Variants in ATP6V1G1 observed in about 807,000 individuals in gnomAD.
ATP6V1G1 encodes the protein V-type proton ATPase subunit G 1.
In ATP6V1G1, 14 loss-of-function variants were observed where a neutral mutation model predicts 14.2. The observed-to-expected ratio is 0.99, with a 90% CI of 0.65 to 1.55. The LOEUF is 1.55. Among genes scored for constraint, ATP6V1G1 ranks in the 40% most tolerant of loss-of-function variants. The pLI is 0.00. For synonymous variants in ATP6V1G1, 65 were observed against 53.3 expected (o/e 1.22, Z -0.96); for missense variants, 137 against 146.4 (o/e 0.94, Z 0.33).
At chr9:114,594,676 C>G (rs986062453) in intron 2 of ATP6V1G1, among the ~76,000 whole-genome samples, 6 of 152,126 alleles carry the variant, frequency 3.9e-5, no homozygotes, top group African/African-American at 1.4e-4. Context: ...AGCCACCACG[C>G]CTGGCCCATC....
At chr9:114,588,854 TG>T (rs1196776623) in intron 1 of ATP6V1G1, among the ~76,000 whole-genome samples, 2 of 150,066 alleles carry the variant, frequency 1.3e-5, no homozygotes, top group Non-Finnish European at 2.9e-5. Context: ...AGTGCAGATA[TG>T]ATTTCCCTAC....
At chr9:114,595,909 A>G (rs538036033) in intron 2 of ATP6V1G1, among the ~76,000 whole-genome samples, 1 of 152,240 alleles carries the variant, frequency 6.6e-6, no homozygotes, top group South Asian at 2.1e-4. Flanking sequence ...ATATATGTAT[A>G]TATAGTGAGG....
chr9:114,589,099 C>A (rs1201534282), intron 1 of ATP6V1G1, among the ~76,000 whole-genome samples: 3 of 152,172 alleles, frequency 2.0e-5, no homozygotes, highest in Non-Finnish European at 4.4e-5. Context: ...CCTTAGTCTT[C>A]CATCAGACCT....
Position 114,591,024 on chromosome 9 carries a change from G to A in ATP6V1G1, c.83-1528G>A, listed in dbSNP as rs111604371. On this transcript the variant is annotated intron_variant, in intron 1 of 2. Coordinates refer to ENST00000374050, the MANE Select transcript of ATP6V1G1 (RefSeq NM_004888.4). The stretch of plus-strand genomic sequence containing the variant: ...GTGGCCAGGTTGGTCTCGAACTCCT[G>A]ACCTTGTGATCTGCTCACCTTGGCC... Among the ~76,000 whole-genome samples, 773 of 152,214 alleles carry A rather than the reference G, an allele frequency of 5.1e-3. 9 individuals are homozygous for A. Among genetic ancestry groups the A allele is most frequent in the African/African-American group, 0.017 (722 of 41,532 alleles).
chr9:114,587,970 C>T, intron 1 of ATP6V1G1, 50 bp downstream of exon 1: 1 of 1,544,552 alleles, frequency 6.5e-7, no homozygotes, highest in Non-Finnish European at 8.8e-7. Context: ...GAAGAAAGAC[C>T]GCTGGGCCTC....
chr9:114,592,588 C>T lies in ATP6V1G1; in HGVS notation c.119C>T (p.Ala40Val), dbSNP rs1301402896. The change falls in exon 2 of 3, where the codon GCT (alanine) becomes GTT (valine). Residue 40 changes from alanine (A) to valine (V), a missense_variant. Physicochemically the swap from Ala to Val is moderately conservative, Grantham distance 64. Coordinates refer to ENST00000374050, the MANE Select transcript of ATP6V1G1 (RefSeq NM_004888.4). ...AGGCTGAAGCAGGCCAAAGAAGAAG[C>T]TCAGGCTGAAATTGAACAGTACCGC... Reference protein sequence around the residue: ...NRRLKQAKEEAQAEIEQYRLQ... With the variant: ...NRRLKQAKEEVQAEIEQYRLQ... 1.3e-6 allele frequency: 2 copies of T among 1,573,682 alleles called. No homozygotes were observed. Among genetic ancestry groups the T allele is most frequent in the Admixed American group, 1.8e-5 (1 of 54,156 alleles).
intron 1 of ATP6V1G1, chr9:114,588,176 A>G: frequency 1.9e-6 from 1 of 522,600 alleles, no homozygotes; most frequent in South Asian, 2.6e-5. Context: ...GAGGCATGTG[A>G]AATGGGCTCT....
chr9:114,588,119 G>A (rs914634632), intron 1 of ATP6V1G1, 199 bp downstream of exon 1: 11 of 617,210 alleles, frequency 1.8e-5, no homozygotes, highest in Non-Finnish European at 3.1e-5. Flanking sequence ...ATGTGAGATG[G>A]TAAATTGGGC....
At chr9:114,592,857 C>T (rs570141873) in intron 2 of ATP6V1G1, among the ~76,000 whole-genome samples, 1 of 152,284 alleles carries the variant, frequency 6.6e-6, no homozygotes, top group East Asian at 1.9e-4. Flanking sequence ...TTTATTCACT[C>T]ATTTAACACG....
chr9:114,597,188 C>T (rs1395548135), intron 2 of ATP6V1G1, among the ~76,000 whole-genome samples: 1 of 151,874 alleles, frequency 6.6e-6, no homozygotes, highest in Non-Finnish European at 1.5e-5. Flanking sequence ...GACGGGGTTT[C>T]ACCGTGTTAG....
chr9:114,598,598 A>G lies in ATP6V1G1; in HGVS notation c.*855A>G, dbSNP rs1845267867. Among the ~76,000 whole-genome samples, 1 of 152,188 alleles carries G rather than the reference A, an allele frequency of 6.6e-6. No homozygotes were observed. Among genetic ancestry groups the G allele is most frequent in the Non-Finnish European group, 1.5e-5 (1 of 68,022 alleles). On this transcript the variant is annotated 3_prime_UTR_variant, in exon 3 of 3. Transcript: ENST00000374050. Reference sequence around the variant, plus strand: ...CCAACAAATGTTTTGGAAAACAGCAAGCAACTAGTCTGTAGGTTGTCTTTT... The same window carrying G: ...CCAACAAATGTTTTGGAAAACAGCAGGCAACTAGTCTGTAGGTTGTCTTTT...
At chr9:114,592,528 T>A (rs1345671454) in intron 1 of ATP6V1G1, 24 bp from the exon 2 acceptor site, 10 of 1,549,242 alleles carry the variant, frequency 6.5e-6, no homozygotes, top group Non-Finnish European at 8.7e-6. Flanking sequence ...CACTTCCTGA[T>A]ATAGCTCTCT....
intron 1 of ATP6V1G1, among the ~76,000 whole-genome samples, chr9:114,591,690 G>GC (rs1354260486): frequency 6.6e-6 from 1 of 152,134 alleles, no homozygotes; most frequent in African/African-American, 2.4e-5. Context: ...TCACTCATTC[G>GC]CGTGGACTCT....
intron 2 of ATP6V1G1, among the ~76,000 whole-genome samples, chr9:114,593,366 T>C (rs149262379): frequency 7.4e-4 from 112 of 152,260 alleles, no homozygotes; most frequent in African/African-American, 2.6e-3. Flanking sequence ...TGTGTTTGGC[T>C]TTGTATCATT....
chr9:114,589,943 A>T (rs1265702932), intron 1 of ATP6V1G1, among the ~76,000 whole-genome samples: 1 of 151,728 alleles, frequency 6.6e-6, no homozygotes, highest in Admixed American at 6.6e-5. Flanking sequence ...CACGCCTGTA[A>T]TCCCAGCACT....
rs77815887 is a variant in ATP6V1G1 at position 114,593,499 on chromosome 9, A to C, written c.183+847A>C. Among the ~76,000 whole-genome samples the C allele has an allele frequency of 9.2e-3, 1,393 of 151,988 alleles. 13 individuals are homozygous for C. The highest frequency in any genetic ancestry group is 0.055 in the South Asian group (265 of 4,810). On this transcript the variant is annotated intron_variant, in intron 2 of 2. Coordinates refer to ENST00000374050, the MANE Select transcript of ATP6V1G1 (RefSeq NM_004888.4). Reference sequence around the variant, plus strand: ...TAGCAAAAATTTTGATCAATTTTTTATTTTTTCTTTTTAAGAGACAGAGTC... The same window carrying C: ...TAGCAAAAATTTTGATCAATTTTTTCTTTTTTCTTTTTAAGAGACAGAGTC...
intron 1 of ATP6V1G1, among the ~76,000 whole-genome samples, chr9:114,590,461 A>T (rs1042674562): frequency 6.6e-6 from 1 of 151,758 alleles, no homozygotes; most frequent in African/African-American, 2.4e-5. Context: ...ATACATAAAT[A>T]AAAAAATAAA....
At chr9:114,588,561 G>A (rs1286322737) in intron 1 of ATP6V1G1, among the ~76,000 whole-genome samples, 2 of 151,486 alleles carry the variant, frequency 1.3e-5, no homozygotes, top group Non-Finnish European at 2.9e-5. Context: ...TATGTGGCAA[G>A]CGCAGTGCCC....
rs1374409470 is a variant in ATP6V1G1, at chr9:114,598,591, A to G, written c.*848A>G. Among the ~76,000 whole-genome samples the G allele has an allele frequency of 6.6e-6, 1 of 152,216 alleles. No individual in the cohort carries two copies. On this transcript the variant is annotated 3_prime_UTR_variant, in exon 3 of 3. Transcript: ENST00000374050. ...ATTTCTTCCAACAAATGTTTTGGAA[A>G]ACAGCAAGCAACTAGTCTGTAGGTT...
Sources: allele counts gnomAD v4.1 joint callset (sites outside exome capture counted in the v4.1 genomes callset), GRCh38; gene constraint gnomAD v4.1.1; transcripts MANE v1.5; gene names NCBI Gene and HGNC (gene_info 2026-07-23, HGNC 2026-07-21).